Variants in PPP2R5C observed in about 807,000 individuals in gnomAD.
PPP2R5C encodes the protein protein phosphatase 2 regulatory subunit B'gamma.
Under a neutral mutation model 68.9 loss-of-function variants are expected in PPP2R5C, and 7 were observed. That is an observed-to-expected ratio of 0.10 (90% CI 0.06 to 0.19). PPP2R5C has a LOEUF of 0.19. Ranked by LOEUF, PPP2R5C falls within the 10% of genes least tolerant of loss-of-function variation. PPP2R5C has a pLI of 1.00. For synonymous variants in PPP2R5C, 210 were observed against 222.2 expected (o/e 0.95, Z 0.49); for missense variants, 348 against 641.3 (o/e 0.54, Z 4.94).
At chr14:101,878,667 C>T (rs1048286051) in intron 2 of PPP2R5C, among the ~76,000 whole-genome samples, 4 of 152,156 alleles carry the variant, frequency 2.6e-5, no homozygotes, top group Non-Finnish European at 5.9e-5. Flanking sequence ...GAGACTTGGC[C>T]GTGGTGGACA....
At chr14:101,776,949 C>T (rs1054007628) in intron 2 of PPP2R5C, among the ~76,000 whole-genome samples, 3 of 147,890 alleles carry the variant, frequency 2.0e-5, no homozygotes, top group East Asian at 2.0e-4. Context: ...GGCGTGATCT[C>T]GGCTCACTGC....
intron 2 of PPP2R5C, among the ~76,000 whole-genome samples, chr14:101,778,014 C>T (rs1289875493): frequency 6.6e-6 from 1 of 152,174 alleles, no homozygotes; most frequent in Non-Finnish European, 1.5e-5. Context: ...AAGCAATCCT[C>T]CTGCCTCAGC....
At chr14:101,761,566 G>C (rs981986107), upstream of PPP2R5C, among the ~76,000 whole-genome samples, 3 of 143,088 alleles carry the variant, frequency 2.1e-5, no homozygotes, top group African/African-American at 7.6e-5. Context: ...GTTGAGTGCA[G>C]CGGGGCGGGG....
chr14:101,874,978 G>A (rs2043666029), intron 2 of PPP2R5C, among the ~76,000 whole-genome samples: 1 of 152,214 alleles, frequency 6.6e-6, no homozygotes, highest in South Asian at 2.1e-4. Flanking sequence ...AACCTCAGGT[G>A]ACCTGCCCGC....
chr14:101,927,931 A>G (rs944810797), exon 14 of PPP2R5C: 3 of 152,226 alleles, frequency 2.0e-5, no homozygotes, highest in Non-Finnish European at 2.9e-5. Context: ...CAAAAACTCT[A>G]AAAAACGGTG....
chr14:101,871,807 A>G (rs1023145308), intron 2 of PPP2R5C, among the ~76,000 whole-genome samples: 9 of 152,170 alleles, frequency 5.9e-5, no homozygotes, highest in African/African-American at 2.2e-4. Flanking sequence ...AGTCTTTTCT[A>G]GAACACACCT....
chr14:101,847,981 C>T (rs759539221), intron 1 of PPP2R5C, among the ~76,000 whole-genome samples: 2 of 152,110 alleles, frequency 1.3e-5, no homozygotes, highest in African/African-American at 2.4e-5. Context: ...CCACTGCGCC[C>T]GGCCTTGAGA....
At chr14:101,895,548 T>C (rs761691773) in intron 8 of PPP2R5C, among the ~76,000 whole-genome samples, 3 of 152,202 alleles carry the variant, frequency 2.0e-5, no homozygotes, top group Non-Finnish European at 4.4e-5. Context: ...AGGTACCTTA[T>C]ATAAGGAGAA....
chr14:101,784,521 A>G (rs1245076487), intron 2 of PPP2R5C, among the ~76,000 whole-genome samples: 20 of 148,180 alleles, frequency 1.3e-4, no homozygotes, highest in East Asian at 8.1e-4. Context: ...GGGGGGGGGG[A>G]ACTGCCAAAC....
At chr14:101,822,192 T>C (rs1210747724) in intron 1 of PPP2R5C, among the ~76,000 whole-genome samples, 3 of 151,838 alleles carry the variant, frequency 2.0e-5, no homozygotes, top group Non-Finnish European at 4.4e-5. Flanking sequence ...TTACTGAGCT[T>C]CTTGATTAAG....
chr14:101,885,141 G>A (rs2044411466), intron 5 of PPP2R5C, among the ~76,000 whole-genome samples: 1 of 152,248 alleles, frequency 6.6e-6, no homozygotes, highest in Non-Finnish European at 1.5e-5. Flanking sequence ...TGCAGGGCCA[G>A]GGTGTGGACA....
chr14:101,762,422 G>A (rs1238913344), intron 1 of PPP2R5C, among the ~76,000 whole-genome samples: 1 of 152,150 alleles, frequency 6.6e-6, no homozygotes, highest in African/African-American at 2.4e-5. Flanking sequence ...CCGCCCCGGA[G>A]GGACGCTCTG....
intron 1 of PPP2R5C, chr14:101,824,278 G>A (rs1176543672): frequency 2.4e-5 from 24 of 1,000,904 alleles, no homozygotes; most frequent in Non-Finnish European, 3.0e-5. Flanking sequence ...TGAAGTTCTT[G>A]CGGGGTAGGA....
In PPP2R5C at chr14:101,855,211, A is replaced by C. The variant is rs535684559; in HGVS notation, c.95-1475A>C. ...AATACCCATGTTTTCTAAAACAAAA[A>C]CTAATTTAGTGGTAAGAGTGGCATA... On this transcript the variant is annotated intron_variant, in intron 1 of 13. Coordinates refer to ENST00000334743, the Ensembl canonical transcript of PPP2R5C. 3.3e-4 allele frequency among the ~76,000 whole-genome samples: 50 copies of C among 152,218 alleles called. 1 individual carries two copies. Among genetic ancestry groups the C allele is most frequent in the African/African-American group, 1.2e-3 (48 of 41,512 alleles).
chr14:101,902,343 A>G (rs967896038), intron 9 of PPP2R5C, among the ~76,000 whole-genome samples: 1 of 152,136 alleles, frequency 6.6e-6, no homozygotes, highest in Non-Finnish European at 1.5e-5. Flanking sequence ...GTCACTGCCA[A>G]ATTCCTGTGC....
chr14:101,920,233 AGTATCTG>A lies in PPP2R5C; in HGVS notation c.1443+2287_1443+2293del, dbSNP rs1408050722. ...AAAGCTGCCTTTGAAAGTCAGGCCT[AGTATCTG>A]TGTGATATTCGGGGCCCCAGAACGT... On this transcript the variant is annotated intron_variant, in intron 13 of 13. Transcript: ENST00000334743. Among the ~76,000 whole-genome samples, 3 of 152,182 alleles carry A rather than the reference AGTATCTG, an allele frequency of 2.0e-5. No homozygotes were observed. The East Asian group carries it at 5.8e-4, about 29-fold the overall frequency.
chr14:101,864,789 G>A (rs1156998707), intron 2 of PPP2R5C, among the ~76,000 whole-genome samples: 1 of 152,164 alleles, frequency 6.6e-6, no homozygotes, highest in Admixed American at 6.5e-5. Flanking sequence ...CTAGAGTCTG[G>A]ATCCTGGGGA....
chr14:101,762,519 G>T (rs1408019854), intron 1 of PPP2R5C, among the ~76,000 whole-genome samples: 1 of 152,018 alleles, frequency 6.6e-6, no homozygotes, highest in East Asian at 1.9e-4. Context: ...GGGGGGGCGG[G>T]TATGTTTCTG....
At chr14:101,824,064 A>G in intron 1 of PPP2R5C, 1 of 1,289,182 alleles carries the variant, frequency 7.8e-7, no homozygotes, top group Non-Finnish European at 1.0e-6. Flanking sequence ...CTGTTGAAGG[A>G]ACAGACTCCA....
Sources: allele counts gnomAD v4.1 joint callset (sites outside exome capture counted in the v4.1 genomes callset), GRCh38; gene constraint gnomAD v4.1.1; transcripts MANE v1.5; gene names NCBI Gene and HGNC (gene_info 2026-07-23, HGNC 2026-07-21).